GRB14: variants seen among roughly 807,000 people sequenced by gnomAD.
GRB14 encodes growth factor receptor-bound protein 14.
In GRB14, 38 loss-of-function variants were observed where a neutral mutation model predicts 69.1. The observed-to-expected ratio is 0.55, with a 90% CI of 0.42 to 0.72. GRB14 has a LOEUF of 0.72. Among genes scored for constraint, GRB14 ranks in the 30% least tolerant of loss-of-function variants. The pLI, the probability that GRB14 is intolerant of heterozygous loss-of-function variation, is 0.00. For missense variants in GRB14, 666 were observed against 666.1 expected, an observed-to-expected ratio of 1.00 and a Z score of 0.00; for synonymous variants, 247 against 241.3, an observed-to-expected ratio of 1.02 and a Z score of -0.22.
intron 2 of GRB14, among the ~76,000 whole-genome samples, chr2:164,564,004 T>C (rs1478614322): frequency 6.6e-6 from 1 of 152,186 alleles, no homozygotes; most frequent in Non-Finnish European, 1.5e-5. Flanking sequence ...TACAGGGCTG[T>C]AGTGGTTGAA....
chr2:164,566,393 T>G (rs1688974989), intron 2 of GRB14, among the ~76,000 whole-genome samples: 1 of 152,124 alleles, frequency 6.6e-6, no homozygotes, highest in African/African-American at 2.4e-5. Flanking sequence ...GTGTGCTAAA[T>G]TATATAAACA....
At chr2:164,538,995 C>T (rs1041557183) in intron 3 of GRB14, among the ~76,000 whole-genome samples, 2 of 151,832 alleles carry the variant, frequency 1.3e-5, no homozygotes, top group South Asian at 2.1e-4. Flanking sequence ...GCAAACCGAC[C>T]GCAGAATCTC....
intron 8 of GRB14, among the ~76,000 whole-genome samples, chr2:164,502,799 C>T (rs1052900046): frequency 6.6e-6 from 1 of 152,018 alleles, no homozygotes; most frequent in African/African-American, 2.4e-5. Flanking sequence ...CTGGTAAATC[C>T]ATAAACATGG....
At position 164,542,582 on chromosome 2, in the gene GRB14, G is replaced by A. The variant is rs984433729; in HGVS notation, c.481+5078C>T. 5.9e-5 allele frequency among the ~76,000 whole-genome samples: 9 copies of A among 152,170 alleles called. No individual in the cohort carries two copies. In the East Asian group the frequency reaches 1.2e-3, roughly 20 times the overall value. ...AACAACCCCATTATAAAGTGGTGAAGGACACGAATCAACACTTCTTGAAAG... is the reference window on the plus strand; with the variant it reads ...AACAACCCCATTATAAAGTGGTGAAAGACACGAATCAACACTTCTTGAAAG... On this transcript the variant is annotated intron_variant, in intron 3 of 13. Coordinates refer to ENST00000263915, the MANE Select transcript of GRB14 (RefSeq NM_004490.3).
intron 2 of GRB14, among the ~76,000 whole-genome samples, chr2:164,612,801 A>C (rs1690198185): frequency 6.6e-6 from 1 of 152,190 alleles, no homozygotes; most frequent in African/African-American, 2.4e-5. Context: ...CTGAGATTTC[A>C]ATAACGTTAA....
intron 2 of GRB14, among the ~76,000 whole-genome samples, chr2:164,600,139 G>A (rs555198008): frequency 6.6e-6 from 1 of 152,226 alleles, no homozygotes; most frequent in Admixed American, 6.5e-5. Context: ...CTGCTGTATG[G>A]ATTTGGAACT....
At chr2:164,547,133 C>T (rs1430525268) in intron 3 of GRB14, among the ~76,000 whole-genome samples, 1 of 152,044 alleles carries the variant, frequency 6.6e-6, no homozygotes, top group Non-Finnish European at 1.5e-5. Flanking sequence ...AATAACTAAT[C>T]CTTCAGTGCC....
At chr2:164,499,357 T>C (rs1231807698) in intron 9 of GRB14, among the ~76,000 whole-genome samples, 2 of 152,076 alleles carry the variant, frequency 1.3e-5, no homozygotes, top group Non-Finnish European at 2.9e-5. Flanking sequence ...ATTAACTAGA[T>C]TAACGGAAAA....
chr2:164,535,320 A>C (rs1242070365), intron 3 of GRB14, among the ~76,000 whole-genome samples: 2 of 152,210 alleles, frequency 1.3e-5, no homozygotes, highest in Non-Finnish European at 2.9e-5. Context: ...AGAAGAAGAA[A>C]GCAAGAAGTT....
intron 5 of GRB14, 66 bp downstream of exon 5, chr2:164,524,938 A>G (rs1016083356): frequency 2.3e-6 from 2 of 851,906 alleles, no homozygotes; most frequent in Non-Finnish European, 3.7e-6. Context: ...GCATGTATAA[A>G]AAAGGACTTA....
chr2:164,492,539 G>A lies in GRB14; in HGVS notation c.*497C>T, dbSNP rs369899662. Among the ~76,000 whole-genome samples the A allele has an allele frequency of 1.3e-3, 201 of 151,862 alleles. 6 individuals are homozygous for A. The South Asian group carries it at 0.038, about 29-fold the overall frequency. On this transcript the variant is annotated 3_prime_UTR_variant, in exon 14 of 14. Coordinates refer to ENST00000263915, the MANE Select transcript of GRB14 (RefSeq NM_004490.3). ...TTCATTTTAAGATGATCATAAACCC[G>A]GAAAATATATAATTCAAAATAGTTT...
At position 164,593,866 on chromosome 2, in the gene GRB14, G is replaced by A. The variant is rs1220707171; in HGVS notation, c.324+25821C>T. Among the ~76,000 whole-genome samples, 3 of 152,088 alleles carry A rather than the reference G, an allele frequency of 2.0e-5. No homozygotes were observed. In the East Asian group the frequency reaches 5.8e-4, roughly 29 times the overall value. ...GACTGTTTTACGTTTCTTGGGAGAGGAGAATAAATTTGGAAATAGAATCAA... is the reference window on the plus strand; with the variant it reads ...GACTGTTTTACGTTTCTTGGGAGAGAAGAATAAATTTGGAAATAGAATCAA... On this transcript the variant is annotated intron_variant, in intron 2 of 13. Coordinates refer to ENST00000263915, the MANE Select transcript of GRB14 (RefSeq NM_004490.3).
chr2:164,618,887 T>C (rs1008570952), intron 2 of GRB14, among the ~76,000 whole-genome samples: 6 of 152,232 alleles, frequency 3.9e-5, no homozygotes, highest in African/African-American at 1.4e-4. Context: ...GTTTCCACCC[T>C]TGTAAGAATA....
chr2:164,522,818 T>G (rs768561871), intron 5 of GRB14, among the ~76,000 whole-genome samples: 8 of 151,840 alleles, frequency 5.3e-5, no homozygotes, highest in Non-Finnish European at 1.2e-4. Flanking sequence ...AAAGGTGGAG[T>G]CTTTCTCCAC....
intron 3 of GRB14, among the ~76,000 whole-genome samples, chr2:164,537,793 A>T (rs1340655961): frequency 6.6e-6 from 1 of 152,114 alleles, no homozygotes; most frequent in Non-Finnish European, 1.5e-5. Flanking sequence ...TGCCACCAGG[A>T]CACCATGTCT....
chr2:164,529,921 T>A (rs1687878586), intron 3 of GRB14, among the ~76,000 whole-genome samples: 1 of 152,144 alleles, frequency 6.6e-6, no homozygotes, highest in Non-Finnish European at 1.5e-5. Context: ...TTGTTGAAGG[T>A]TCACAGTATG....
intron 3 of GRB14, among the ~76,000 whole-genome samples, chr2:164,532,530 G>T (rs1050282371): frequency 8.5e-5 from 13 of 152,112 alleles, no homozygotes; most frequent in Admixed American, 6.6e-5. Context: ...ATTAAGGTAG[G>T]ACCTAAATCC....
At chr2:164,523,538 GTAGA>G (rs1687690869) in intron 5 of GRB14, among the ~76,000 whole-genome samples, 1 of 152,066 alleles carries the variant, frequency 6.6e-6, no homozygotes, top group Non-Finnish European at 1.5e-5. Context: ...AATGCTGACA[GTAGA>G]TATTTATGTT....
chr2:164,519,368 C>A (rs929048341), intron 6 of GRB14, among the ~76,000 whole-genome samples: 5 of 151,920 alleles, frequency 3.3e-5, no homozygotes, highest in Non-Finnish European at 5.9e-5. Flanking sequence ...TTAAAGTAAT[C>A]GAAGCCATCT....
Sources: allele counts gnomAD v4.1 joint callset (sites outside exome capture counted in the v4.1 genomes callset), GRCh38; gene constraint gnomAD v4.1.1; transcripts MANE v1.5; gene names NCBI Gene and HGNC (gene_info 2026-07-23, HGNC 2026-07-21).